The following ZNF426 variants were observed in gnomAD, a reference collection of about 807,000 sequenced individuals.
The protein encoded by ZNF426 is CTC-543D15.7.
In ZNF426, 23 loss-of-function variants were observed where a neutral mutation model predicts 24.0. That is an observed-to-expected ratio of 0.96 (90% CI 0.69 to 1.36). The LOEUF (loss-of-function observed/expected upper bound fraction) is 1.36, where lower values mean the gene tolerates loss of function less well. ZNF426 is among the 40% of genes most tolerant of loss of function. The pLI, the probability that ZNF426 is intolerant of heterozygous loss-of-function variation, is 0.00. For synonymous variants in ZNF426, 272 were observed against 224.6 expected (o/e 1.21, Z -1.89); for missense variants, 646 against 658.4 (o/e 0.98, Z 0.21).
intron 7 of ZNF426, among the ~76,000 whole-genome samples, chr19:9,529,993 T>G (rs1004442581): frequency 2.0e-5 from 3 of 152,154 alleles, no homozygotes; most frequent in African/African-American, 7.2e-5. Context: ...TGGTGGCACA[T>G]GCCTGTAATC....
rs565676845 is a variant in ZNF426 at position 9,531,859 on chromosome 19, C to A, written c.326-792G>T. On this transcript the variant is annotated intron_variant, in intron 6 of 7. Transcript: ENST00000253115. Reference sequence around the variant, plus strand: ...AATTAGCCAGGCATGGTGGCAGGCACCTGTAGTCCCAGCTACTTGGGAGGC... The same window carrying A: ...AATTAGCCAGGCATGGTGGCAGGCAACTGTAGTCCCAGCTACTTGGGAGGC... 2.0e-5 allele frequency among the ~76,000 whole-genome samples: 3 copies of A among 152,240 alleles called. No homozygotes were observed. In the East Asian group the frequency reaches 5.8e-4, roughly 29 times the overall value.
At chr19:9,532,277 T>TA (rs2073896935) in intron 6 of ZNF426, among the ~76,000 whole-genome samples, 1 of 147,724 alleles carries the variant, frequency 6.8e-6, no homozygotes, top group African/African-American at 2.6e-5. Context: ...TTTCTTTTTT[T>TA]CTTTTTTTTT....
intron 6 of ZNF426, among the ~76,000 whole-genome samples, chr19:9,532,508 G>C (rs2073902161): frequency 6.6e-6 from 1 of 151,862 alleles, no homozygotes; most frequent in Non-Finnish European, 1.5e-5. Flanking sequence ...ATGTTGCCCA[G>C]GCTGGTCTTG....
intron 6 of ZNF426, among the ~76,000 whole-genome samples, chr19:9,531,382 C>T (rs1236270832): frequency 6.6e-6 from 1 of 152,124 alleles, no homozygotes; most frequent in African/African-American, 2.4e-5. Flanking sequence ...GAGTGAACCA[C>T]AACAAGAACA....
chr19:9,528,160 G>GT lies in ZNF426; in HGVS notation c.*219dup. 1 of 445,056 alleles carries GT rather than the reference G, an allele frequency of 2.2e-6. No individual in the cohort carries two copies. Among genetic ancestry groups the GT allele is most frequent in the Middle Eastern group, 6.4e-4 (1 of 1,556 alleles). The allele number at this position is 445,056 out of a possible 1,614,324, so 27.6% of individuals were successfully genotyped here. A position where few individuals can be genotyped will look rare whatever the true frequency, so the allele number is the denominator to read the frequency against. On this transcript the variant is annotated 3_prime_UTR_variant, in exon 8 of 8. Coordinates refer to ENST00000253115, the MANE Select transcript of ZNF426 (RefSeq NM_024106.3). ...CCCACCACACCTGGCTAAATTTTTT[G>GT]TATTTTCAGTAGAGACAAGGTTTCA...
intron 2 of ZNF426, among the ~76,000 whole-genome samples, chr19:9,537,024 G>A (rs747956326): frequency 2.0e-5 from 3 of 151,990 alleles, no homozygotes; most frequent in Admixed American, 6.6e-5. Flanking sequence ...CAGCTACTCA[G>A]GAGGCTGAGG....
rs1488283800 is a variant in ZNF426 at position 9,529,624 on chromosome 19, T to C, written c.421A>G (p.Asn141Asp). 1.3e-6 allele frequency: 2 copies of C among 1,590,598 alleles called. No homozygotes were observed. The highest frequency in any genetic ancestry group is 1.7e-6 in the Non-Finnish European group (2 of 1,175,128). ...SIGIQLEGKH[N>D]GRELCDCEQC... is the part of the protein sequence containing the mutation. ...TCACAGTCACAGAGTTCCCTTCCAT[T>C]GTGTTTTCCTTCCTGTTGAAGGGAT... Residue 141 changes from asparagine (N) to aspartate (D), a missense_variant, in exon 8 of 8, where the codon AAT becomes GAT. Transcript: ENST00000253115.
rs1471395820 is a variant in ZNF426 at position 9,531,066 on chromosome 19, T to C, written c.327A>G (p.Gly109=). Residue 109 remains glycine (G), a splice_region_variant and synonymous_variant, in exon 7 of 8, where the codon GGA becomes GGG. Transcript: ENST00000253115. ...SRTVQGGVLQ[G]WEMRLETQWS... ...ACTGGGTTTCAAGTCGCATTTCCCA[T>C]CCTGAAATAAAACAGACAAACAAAT... is the stretch of plus-strand genomic sequence containing the variant. The C allele has an allele frequency of 2.5e-6, 4 of 1,613,532 alleles. No individual in the cohort carries two copies. The highest frequency in any genetic ancestry group is 1.1e-5 in the South Asian group (1 of 91,076).
chr19:9,535,381 T>C, intron 3 of ZNF426, 102 bp from the exon 4 acceptor site: 1 of 797,010 alleles, frequency 1.3e-6, no homozygotes, highest in South Asian at 1.6e-5. Flanking sequence ...CATATATTCC[T>C]GCAAAATCAG....
At chr19:9,538,143 T>A (rs1337976150) in intron 2 of ZNF426, 116 bp downstream of exon 2, 1 of 152,004 alleles carries the variant, frequency 6.6e-6, no homozygotes, top group East Asian at 1.9e-4. Flanking sequence ...ATGAAAGTAA[T>A]GGTCAAAAAT....
At chr19:9,532,360 A>C (rs2073899838) in intron 6 of ZNF426, among the ~76,000 whole-genome samples, 1 of 147,110 alleles carries the variant, frequency 6.8e-6, no homozygotes, top group Non-Finnish European at 1.5e-5. Flanking sequence ...ACAGTGGTGC[A>C]ATCACATCTC....
Position 9,528,969 on chromosome 19 carries a change from CTG to C in ZNF426, c.1074_1075del (p.His358GlnfsTer7). On this transcript the variant is annotated frameshift_variant, in exon 8 of 8. Coordinates refer to ENST00000253115, the MANE Select transcript of ZNF426 (RefSeq NM_024106.3). LOFTEE classifies it low-confidence loss of function (END_TRUNC). ...CTTACATTCATAGGGCTTGTCTCCA[CTG>C]TGAGATCGTACATGCATACTAAGGC... 6.2e-7 allele frequency: 1 copy of C among 1,613,596 alleles called. No homozygotes were observed. The highest frequency in any genetic ancestry group is 8.5e-7 in the Non-Finnish European group (1 of 1,179,840).
intron 2 of ZNF426, among the ~76,000 whole-genome samples, chr19:9,537,853 C>T (rs1219231941): frequency 6.6e-6 from 1 of 151,926 alleles, no homozygotes; most frequent in Admixed American, 6.6e-5. Flanking sequence ...GGGGTTTCAC[C>T]ATCTTAGCCA....
rs755519864 is a variant in ZNF426, at chr19:9,528,981, A to T, written c.1064T>A (p.Val355Glu). 6.2e-7 allele frequency: 1 copy of T among 1,613,604 alleles called. No individual in the cohort carries two copies. The change falls in exon 8 of 8, where the codon GTA becomes GAA. Residue 355 changes from valine (V) to glutamate (E), a missense_variant. By Grantham distance (121) the Val-to-Glu change is moderately radical (BLOSUM62 -2). Transcript: ENST00000253115. ...FTQYSGLSMH[V>E]RSHSGDKPYE... ...GGGCTTGTCTCCACTGTGAGATCGT[A>T]CATGCATACTAAGGCCCGAGTACTG...
rs770549307 is a variant in ZNF426 at position 9,533,926 on chromosome 19, TG to T, written c.157del (p.Gln53ArgfsTer18). Reference protein sequence around the residue: ...TFDDVAVDFTQEEWTLLDSTQ... With the variant: ...TFDDVAVDFTXEEWTLLDSTQ... ...TGAGTCCAGTAAAGTCCACTCCTCCTGGGTGAAGTCCACAGCCACATCGTCA... is the reference window on the plus strand; with the variant it reads ...TGAGTCCAGTAAAGTCCACTCCTCCTGGTGAAGTCCACAGCCACATCGTCA... On this transcript the variant is annotated frameshift_variant, in exon 5 of 8. Transcript: ENST00000253115. LOFTEE classifies it high-confidence loss of function. The T allele has an allele frequency of 1.9e-6, 3 of 1,613,990 alleles. No homozygotes were observed.
At chr19:9,533,474 T>A (rs1167047354) in intron 5 of ZNF426, among the ~76,000 whole-genome samples, 2 of 151,918 alleles carry the variant, frequency 1.3e-5, no homozygotes, top group Non-Finnish European at 2.9e-5. Context: ...CAACAACAAA[T>A]AAGGAATAAG....
rs766967017 is a variant in ZNF426, at chr19:9,529,491, G to A, written c.554C>T (p.Thr185Ile). 15 of 1,613,840 alleles carry A rather than the reference G, an allele frequency of 9.3e-6. No individual in the cohort carries two copies. The highest frequency in any genetic ancestry group is 2.2e-5 in the South Asian group (2 of 91,078). ...DCNQYGKDFLTLCEKTSTGEK... is the reference protein window; with the variant it reads ...DCNQYGKDFLILCEKTSTGEK... ...ACCAGTAGAGGTTTTCTCACACAGG[G>A]TAAGGAAATCTTTTCCATACTGATT... The change falls in exon 8 of 8, where the codon ACC becomes ATC. Residue 185 changes from threonine (T) to isoleucine (I), a missense_variant. By Grantham distance (89) the Thr-to-Ile change is moderately conservative. Transcript: ENST00000253115.
chr19:9,529,010 G>A lies in ZNF426; in HGVS notation c.1035C>T (p.Phe345=). The A allele has an allele frequency of 6.2e-7, 1 of 1,613,258 alleles. No homozygotes were observed. ...GCATACTAAGGCCCGAGTACTGAGT[G>A]AAGGCTTTCCCACATTCCTTACATA... ...PYVCKECGKA[F]TQYSGLSMHV... The change falls in exon 8 of 8, where the codon TTC becomes TTT. Residue 345 remains phenylalanine (F), a synonymous_variant. Coordinates refer to ENST00000253115, the MANE Select transcript of ZNF426 (RefSeq NM_024106.3).
At position 9,533,883 on chromosome 19, in the gene ZNF426, G is replaced by A; in HGVS notation, c.201C>T (p.Tyr67=). ...TGTAGTTCTCCAGCATCACGTCACT[G>A]TAGAGGCTTCTCTGAGTTGAGTCCA... is the stretch of plus-strand genomic sequence containing the variant. ...TLLDSTQRSL[Y]SDVMLENYKN... Residue 67 remains tyrosine (Y), a synonymous_variant, in exon 5 of 8, where the codon TAC becomes TAT. Coordinates refer to ENST00000253115, the MANE Select transcript of ZNF426 (RefSeq NM_024106.3). 6.2e-7 allele frequency: 1 copy of A among 1,614,160 alleles called. No homozygotes were observed. Among genetic ancestry groups the A allele is most frequent in the Admixed American group, 1.7e-5 (1 of 60,024 alleles).
Sources: allele counts gnomAD v4.1 joint callset (sites outside exome capture counted in the v4.1 genomes callset), GRCh38; gene constraint gnomAD v4.1.1; transcripts MANE v1.5; gene names NCBI Gene and HGNC (gene_info 2026-07-23, HGNC 2026-07-21).